The following TET1 variants were observed in gnomAD, a reference collection of about 807,000 sequenced individuals.
TET1 encodes methylcytosine dioxygenase TET1.
In TET1, 13 loss-of-function variants were observed where a neutral mutation model predicts 148.7. That is an observed-to-expected ratio of 0.09 (90% CI 0.06 to 0.14). The LOEUF (loss-of-function observed/expected upper bound fraction) is 0.14. TET1 is among the 10% of genes least tolerant of loss of function. TET1 has a pLI of 1.00. For synonymous variants in TET1, 907 were observed against 937.2 expected, an observed-to-expected ratio of 0.97 and a Z score of 0.59; for missense variants, 2,182 against 2,553.8, an observed-to-expected ratio of 0.85 and a Z score of 3.14.
At chr10:68,670,019 A>G (rs772137871) in intron 7 of TET1, among the ~76,000 whole-genome samples, 11 of 152,192 alleles carry the variant, frequency 7.2e-5, no homozygotes, top group Non-Finnish European at 1.2e-4. Flanking sequence ...GTACACATAC[A>G]AACACGTTAC....
intron 8 of TET1, among the ~76,000 whole-genome samples, chr10:68,681,015 T>C (rs2055428735): frequency 6.6e-6 from 1 of 152,220 alleles, no homozygotes; most frequent in African/African-American, 2.4e-5. Context: ...TAGGAACCTG[T>C]TACATTGTAA....
chr10:68,670,799 C>A (rs2055262812), intron 7 of TET1, among the ~76,000 whole-genome samples: 1 of 152,092 alleles, frequency 6.6e-6, no homozygotes, highest in Non-Finnish European at 1.5e-5. Flanking sequence ...ATAAGCAATG[C>A]TAAGTTACGT....
Position 68,644,765 on chromosome 10 carries a change from A to G in TET1, c.2036A>G (p.His679Arg). The part of the protein sequence containing the change: ...SESMDYSRCG[H>R]GEEQKLELNP... Reference sequence around the variant, plus strand: ...TCCATGGACTACAGTAGATGTGGTCATGGGGAAGAACAAAAATTGGAATTG... The same window carrying G: ...TCCATGGACTACAGTAGATGTGGTCGTGGGGAAGAACAAAAATTGGAATTG... Residue 679 changes from histidine (H) to arginine (R), a missense_variant, in exon 4 of 12, where the codon CAT becomes CGT. By Grantham distance (29) the His-to-Arg change is conservative. This residue lies in a region of TET1 where 226 missense variants were observed against 307.4 expected (regional missense o/e 0.74). Coordinates refer to ENST00000373644, the MANE Select transcript of TET1 (RefSeq NM_030625.3). 6.2e-7 allele frequency: 1 copy of G among 1,613,304 alleles called. No homozygotes were observed.
At chr10:68,687,934 T>C (rs902504411) in intron 11 of TET1, among the ~76,000 whole-genome samples, 2 of 152,034 alleles carry the variant, frequency 1.3e-5, no homozygotes, top group African/African-American at 4.8e-5. Flanking sequence ...TTTTGGGGTT[T>C]TTTTTAAAAG....
intron 4 of TET1, among the ~76,000 whole-genome samples, chr10:68,647,430 C>T (rs1387909859): frequency 6.6e-6 from 1 of 151,964 alleles, no homozygotes; most frequent in African/African-American, 2.4e-5. Context: ...ATGGTGAAAC[C>T]CTGTATTTAC....
chr10:68,661,380 T>C (rs1421009426), intron 6 of TET1, among the ~76,000 whole-genome samples: 1 of 151,766 alleles, frequency 6.6e-6, no homozygotes, highest in South Asian at 2.1e-4. Flanking sequence ...AAAAATTATA[T>C]ATACACATTA....
chr10:68,687,095 G>A lies in TET1; in HGVS notation c.5404+388G>A, dbSNP rs556441511. On this transcript the variant is annotated intron_variant, in intron 11 of 11. Coordinates refer to ENST00000373644, the MANE Select transcript of TET1 (RefSeq NM_030625.3). ...GTAGAGACGGGGTTTCACCGTGTTA[G>A]GCAGGATGGTCTCGATCTCCTGACC... 1.6e-4 allele frequency among the ~76,000 whole-genome samples: 24 copies of A among 151,942 alleles called. No individual in the cohort carries two copies. The South Asian group carries it at 4.0e-3, about 25-fold the overall frequency.
Position 68,693,815 on chromosome 10 carries a change from G to A in TET1, c.*2001G>A. On this transcript the variant is annotated 3_prime_UTR_variant, in exon 12 of 12. Transcript: ENST00000373644. ...TTGCGAGATTATGTTTTAGATTTTA[G>A]GCCTTAGCTCCCACTAGAAATTATT... 1 of 230,908 alleles carries A rather than the reference G, an allele frequency of 4.3e-6. No individual in the cohort carries two copies. Among genetic ancestry groups the A allele is most frequent in the Non-Finnish European group, 8.6e-6 (1 of 116,660 alleles). The allele number at this position is 230,908 out of a possible 1,614,324, so 14.3% of individuals were successfully genotyped here.
At chr10:68,638,548 T>A (rs1009586812) in intron 3 of TET1, among the ~76,000 whole-genome samples, 3 of 151,968 alleles carry the variant, frequency 2.0e-5, no homozygotes, top group African/African-American at 4.8e-5. Flanking sequence ...GGGAAAAAAA[T>A]GTCTAAAAAA....
chr10:68,641,987 T>C (rs1477910132), intron 3 of TET1, among the ~76,000 whole-genome samples: 1 of 152,208 alleles, frequency 6.6e-6, no homozygotes, highest in African/African-American at 2.4e-5. Context: ...TTTATTCTTT[T>C]ACTAAATTTA....
rs2133684832 is a variant in TET1 at position 68,572,573 on chromosome 10, G to A, written c.235G>A (p.Ala79Thr). 1 of 1,614,140 alleles carries A rather than the reference G, an allele frequency of 6.2e-7. No individual in the cohort carries two copies. Among genetic ancestry groups the A allele is most frequent in the Non-Finnish European group, 8.5e-7 (1 of 1,180,020 alleles). ...CAGAAGCCTTCTGACAAGAGCTGGAGCAGCACGCATGAATTTGGATAGGAC... is the reference window on the plus strand; with the variant it reads ...CAGAAGCCTTCTGACAAGAGCTGGAACAGCACGCATGAATTTGGATAGGAC... Reference protein sequence around the residue: ...PVRSLLTRAGAARMNLDRTEV... With the variant: ...PVRSLLTRAGTARMNLDRTEV... Residue 79 changes from alanine (A) to threonine (T), a missense_variant, in exon 2 of 12, where the codon GCA becomes ACA. Physicochemically the swap from Ala to Thr is moderately conservative, Grantham distance 58. This residue lies in a region of TET1 where 665 missense variants were observed against 672.4 expected (regional missense o/e 0.99). Transcript: ENST00000373644.
At chr10:68,578,060 T>G (rs2053752696) in intron 2 of TET1, among the ~76,000 whole-genome samples, 1 of 152,152 alleles carries the variant, frequency 6.6e-6, no homozygotes, top group South Asian at 2.1e-4. Context: ...AATCATGTAT[T>G]GATGGGCATT....
In TET1 at chr10:68,582,326, C is replaced by T. The variant is rs570435117; in HGVS notation, c.1914+8074C>T. Among the ~76,000 whole-genome samples, 59 of 152,096 alleles carry T rather than the reference C, an allele frequency of 3.9e-4. 1 individual carries two copies. The highest frequency in any genetic ancestry group is 3.9e-3 in the Admixed American group (59 of 15,246). ...GTTGGTCAGGCTGGTCTTGAACTAA[C>T]CTCAGGTGATCCGCCCACCTCGTCC... is the stretch of plus-strand genomic sequence containing the variant. On this transcript the variant is annotated intron_variant, in intron 2 of 11. Transcript: ENST00000373644.
At chr10:68,631,483 A>G (rs1194419600) in intron 3 of TET1, among the ~76,000 whole-genome samples, 2 of 114,876 alleles carry the variant, frequency 1.7e-5, no homozygotes, top group Admixed American at 1.2e-4. Context: ...GGGTTTTGCC[A>G]TGTTAGACAG....
At position 68,644,818 on chromosome 10, in the gene TET1, A is replaced by G. The variant is rs767348097; in HGVS notation, c.2089A>G (p.Lys697Glu). 9 of 1,613,918 alleles carry G rather than the reference A, an allele frequency of 5.6e-6. No homozygotes were observed. In the South Asian group the frequency reaches 8.8e-5, roughly 16 times the overall value. The change falls in exon 4 of 12, where the codon AAA becomes GAA. Residue 697 changes from lysine to glutamate, a missense_variant. Lys to Glu is a moderately conservative substitution (Grantham distance 56, BLOSUM62 1). Transcript: ENST00000373644. Reference sequence around the variant, plus strand: ...CCCACATACTGTTGAAAATGTAACTAAAAATGAAGACAGCATGACAGGCAT... The same window carrying G: ...CCCACATACTGTTGAAAATGTAACTGAAAATGAAGACAGCATGACAGGCAT... ...LNPHTVENVTKNEDSMTGIEV... is the reference protein window; with the variant it reads ...LNPHTVENVTENEDSMTGIEV...
At chr10:68,647,261 A>G (rs1007764951) in intron 4 of TET1, among the ~76,000 whole-genome samples, 4 of 152,202 alleles carry the variant, frequency 2.6e-5, no homozygotes, top group African/African-American at 7.2e-5. Flanking sequence ...ATAGGCTGAT[A>G]TATCTCTCAA....
At chr10:68,610,523 G>A (rs1298613684) in intron 3 of TET1, among the ~76,000 whole-genome samples, 13 of 152,138 alleles carry the variant, frequency 8.5e-5, no homozygotes, top group South Asian at 2.1e-4. Context: ...CCCAGGGGGC[G>A]GAGGTTGCAG....
chr10:68,667,374 G>T, intron 7 of TET1, 118 bp downstream of exon 7: 1 of 851,636 alleles, frequency 1.2e-6, no homozygotes, highest in Non-Finnish European at 1.8e-6. Flanking sequence ...GAGTATTGTG[G>T]AATTAAAAAG....
chr10:68,685,392 C>T (rs1025515416), intron 10 of TET1, among the ~76,000 whole-genome samples: 8 of 151,916 alleles, frequency 5.3e-5, no homozygotes, highest in Non-Finnish European at 1.2e-4. Flanking sequence ...TTTACAGCTC[C>T]GGGATATATG....
Sources: gnomAD v4.1 joint callset for allele counts (sites outside exome capture counted in the v4.1 genomes callset) on GRCh38, gnomAD v4.1.1 for gene constraint, gnomAD v4.1.1 regional missense constraint, MANE v1.5 for transcripts, NCBI Gene and HGNC (gene_info 2026-07-23, HGNC 2026-07-21) for gene names.